Variants in DNAI4 observed in about 807,000 individuals in gnomAD.
The protein encoded by DNAI4 is WD repeat domain 78.
Under a neutral mutation model 105.8 loss-of-function variants are expected in DNAI4, and 85 were observed. The ratio of observed to expected loss-of-function variants is 0.80; its 90% CI spans 0.67 to 0.96. The LOEUF (loss-of-function observed/expected upper bound fraction) is 0.96, where lower values mean the gene tolerates loss of function less well. Ranked by LOEUF, DNAI4 falls within the 40% of genes least tolerant of loss-of-function variation. The pLI, the probability that DNAI4 is intolerant of heterozygous loss-of-function variation, is 0.00. For missense variants in DNAI4, 1,014 were observed against 1,005.6 expected, an observed-to-expected ratio of 1.01 and a Z score of -0.11; for synonymous variants, 352 against 331.5, an observed-to-expected ratio of 1.06 and a Z score of -0.67.
chr1:66,891,344 T>A, intron 3 of DNAI4, 78 bp from the exon 4 acceptor site: 1 of 952,080 alleles, frequency 1.1e-6, no homozygotes, highest in East Asian at 2.5e-5. Context: ...TAGAACATAT[T>A]ATCAGATGGA....
In DNAI4 at chr1:66,813,289, C is replaced by T. The variant is rs1645451896; in HGVS notation, c.*841G>A. ...ACCCAGGATTTGTTAAAACAAACTG[C>T]ATAGAATGGCCTGTTAGCAATGAAT... On this transcript the variant is annotated 3_prime_UTR_variant, in exon 17 of 17. Transcript: ENST00000371026. 2 of 152,368 alleles carry T rather than the reference C, an allele frequency of 1.3e-5. No homozygotes were observed. Among genetic ancestry groups the T allele is most frequent in the African/African-American group, 4.8e-5 (2 of 41,452 alleles). 9.4% of individuals were successfully genotyped at this position (152,368 alleles called of 1,614,324 possible). A position where few individuals can be genotyped will look rare whatever the true frequency, so the allele number is the denominator to read the frequency against.
intron 8 of DNAI4, among the ~76,000 whole-genome samples, chr1:66,845,215 A>AAAAT (rs1557918736): frequency 9.7e-5 from 3 of 31,018 alleles, no homozygotes; most frequent in Admixed American, 3.5e-4. Flanking sequence ...AAAAAGAAAA[A>AAAAT]TTAAAAAAAA....
intron 10 of DNAI4, among the ~76,000 whole-genome samples, chr1:66,836,226 GAGAGAGAGAA>G (rs1264670157): frequency 6.8e-5 from 9 of 132,328 alleles, no homozygotes; most frequent in African/African-American, 2.3e-4. Flanking sequence ...GAGAGAGAGA[GAGAGAGAGAA>G]AGAAAGAAAG....
At chr1:66,876,228 C>G (rs1194868672) in intron 4 of DNAI4, among the ~76,000 whole-genome samples, 1 of 152,012 alleles carries the variant, frequency 6.6e-6, no homozygotes, top group South Asian at 2.1e-4. Flanking sequence ...GTAGTCCAAA[C>G]TTTTTGTCAA....
chr1:66,851,333 T>C (rs1457748792), intron 7 of DNAI4, among the ~76,000 whole-genome samples: 2 of 151,772 alleles, frequency 1.3e-5, no homozygotes, highest in Non-Finnish European at 1.5e-5. Context: ...ATAAAATATG[T>C]AAAGTAAAAA....
intron 16 of DNAI4, among the ~76,000 whole-genome samples, chr1:66,819,092 A>G (rs1645574736): frequency 6.6e-6 from 1 of 152,074 alleles, no homozygotes. Context: ...CAGTATATAA[A>G]TTATTAAATT....
chr1:66,889,651 CT>C (rs1647428600), intron 4 of DNAI4, among the ~76,000 whole-genome samples: 1 of 152,146 alleles, frequency 6.6e-6, no homozygotes, highest in Admixed American at 6.5e-5. Flanking sequence ...TCACCAGTCC[CT>C]CATTATCATT....
intron 1 of DNAI4, among the ~76,000 whole-genome samples, chr1:66,905,841 C>A (rs539398956): frequency 2.0e-4 from 31 of 151,594 alleles, no homozygotes; most frequent in Non-Finnish European, 2.9e-5. Context: ...GTGTGTAGTG[C>A]AGTTACATAG....
At chr1:66,894,693 G>C (rs1324064164) in intron 2 of DNAI4, among the ~76,000 whole-genome samples, 2 of 152,106 alleles carry the variant, frequency 1.3e-5, no homozygotes, top group African/African-American at 4.8e-5. Context: ...GTCTCAACAA[G>C]AGTTTTTGAA....
At chr1:66,912,459 G>A (rs548584384) in intron 1 of DNAI4, among the ~76,000 whole-genome samples, 2 of 151,466 alleles carry the variant, frequency 1.3e-5, no homozygotes, top group South Asian at 4.2e-4. Context: ...GACAGAGTGC[G>A]ACTGTGTCTC....
Position 66,827,812 on chromosome 1 carries a change from C to A in DNAI4, c.2112G>T (p.Lys704Asn). 1.3e-6 allele frequency: 2 copies of A among 1,542,322 alleles called. No individual in the cohort carries two copies. The change falls in exon 14 of 17, where the codon AAG (lysine) becomes AAT (asparagine). Residue 704 changes from lysine (K) to asparagine (N), a missense_variant and splice_region_variant. Coordinates refer to ENST00000371026, the MANE Select transcript of DNAI4 (RefSeq NM_024763.5). ...TCCAACCTACTATAATTAAACTAAC[C>A]TTATGTCCTCTGTAGGTATCTAAGT... ...EQYLDTYRGH[K>N]GPVYKVTWNP... is the part of the protein sequence containing the mutation.
At chr1:66,834,184 T>A in intron 11 of DNAI4, 36 bp from the exon 12 acceptor site, 1 of 1,506,062 alleles carries the variant, frequency 6.6e-7, no homozygotes, top group Non-Finnish European at 8.9e-7. Context: ...CATATAATCA[T>A]TATAATAATT....
chr1:66,841,563 G>A (rs1646149048), intron 8 of DNAI4, among the ~76,000 whole-genome samples: 1 of 152,030 alleles, frequency 6.6e-6, no homozygotes, highest in African/African-American at 2.4e-5. Flanking sequence ...TGGGGGCGGG[G>A]GTCTTACTCT....
intron 7 of DNAI4, chr1:66,848,096 T>C (rs970409095): frequency 2.2e-5 from 9 of 409,484 alleles, no homozygotes; most frequent in African/African-American, 1.7e-4. Flanking sequence ...TATCTTACAG[T>C]TCAGTAGATT....
chr1:66,873,140 A>C (rs895131496), intron 5 of DNAI4, among the ~76,000 whole-genome samples: 6 of 151,426 alleles, frequency 4.0e-5, no homozygotes, highest in African/African-American at 1.5e-4. Flanking sequence ...ACCAAATTCA[A>C]CCTGAGGGAA....
At chr1:66,823,190 A>G (rs1413765206) in intron 15 of DNAI4, among the ~76,000 whole-genome samples, 1 of 138,812 alleles carries the variant, frequency 7.2e-6, no homozygotes, top group East Asian at 2.1e-4. Flanking sequence ...TAGTTTGCTG[A>G]GAATGATGAT....
intron 4 of DNAI4, among the ~76,000 whole-genome samples, chr1:66,878,487 A>C (rs982713161): frequency 6.6e-6 from 1 of 152,132 alleles, no homozygotes; most frequent in Admixed American, 6.5e-5. Context: ...AGAAACCAAA[A>C]TCTGAGCACT....
intron 5 of DNAI4, 49 bp from the exon 6 acceptor site, chr1:66,871,558 AC>A: frequency 6.9e-7 from 1 of 1,457,902 alleles, no homozygotes; most frequent in Non-Finnish European, 9.2e-7. Context: ...TCATCACCAC[AC>A]GTATTATCTC....
intron 4 of DNAI4, among the ~76,000 whole-genome samples, chr1:66,882,926 T>C (rs528474328): frequency 6.6e-6 from 1 of 152,118 alleles, no homozygotes; most frequent in African/African-American, 2.4e-5. Flanking sequence ...TGCATGCATA[T>C]GAAATTCATT....
Sources: allele counts gnomAD v4.1 joint callset (sites outside exome capture counted in the v4.1 genomes callset), GRCh38; gene constraint gnomAD v4.1.1; transcripts MANE v1.5; gene names NCBI Gene and HGNC (gene_info 2026-07-23, HGNC 2026-07-21).